The following BBS2 variants were observed in gnomAD, a reference collection of about 807,000 sequenced individuals.
BBS2 encodes the protein BBSome complex member BBS2.
A neutral mutation model predicts 83.0 loss-of-function variants in BBS2; 62 were observed. The ratio of observed to expected loss-of-function variants is 0.75; its 90% CI spans 0.61 to 0.92. BBS2 has a LOEUF of 0.92. Among genes scored for constraint, BBS2 ranks in the 40% least tolerant of loss-of-function variants. BBS2 has a pLI of 0.00. For missense variants in BBS2, 784 were observed against 901.0 expected, an observed-to-expected ratio of 0.87 and a Z score of 1.66; for synonymous variants, 303 against 326.1, an observed-to-expected ratio of 0.93 and a Z score of 0.76.
intron 11 of BBS2, chr16:56,500,410 G>A (rs1422973520): frequency 1.2e-5 from 3 of 248,166 alleles, no homozygotes; most frequent in Non-Finnish European, 1.6e-5. Context: ...TGGATCACCT[G>A]AGGTCAGGAG....
chr16:56,473,671 G>A (rs565961912), intron 17 of BBS2, among the ~76,000 whole-genome samples: 5 of 151,328 alleles, frequency 3.3e-5, no homozygotes, highest in Admixed American at 6.6e-5. Context: ...CTAATGGTGC[G>A]TGGTTGTATA....
At chr16:56,475,030 C>G (rs1469401470) in intron 17 of BBS2, 30 of 1,450,466 alleles carry the variant, frequency 2.1e-5, no homozygotes, top group Non-Finnish European at 2.9e-5. Context: ...CCAGCTGAAC[C>G]AATTCATAAG....
At chr16:56,509,910 G>A (rs371749476) in intron 5 of BBS2, 47 bp downstream of exon 5, 1 of 1,585,870 alleles carries the variant, frequency 6.3e-7, no homozygotes, top group Non-Finnish European at 8.7e-7. Context: ...TGACAGTACT[G>A]ATCTATCTTG....
intron 17 of BBS2, among the ~76,000 whole-genome samples, chr16:56,472,832 T>C (rs1232286448): frequency 6.6e-6 from 1 of 152,236 alleles, no homozygotes; most frequent in Non-Finnish European, 1.5e-5. Flanking sequence ...TAAACCTCTT[T>C]CTGATCCTTT....
rs751174081 is a variant in BBS2, at chr16:56,501,489, C to T, written c.1089G>A (p.Leu363=). The part of the protein sequence containing the change: ...RNYEENAKAE[L]ASPLNEADGH... ...CATCAGCCTCGTTCAGTGGACTGGC[C>T]AATTCAGCCTGCAAAACACCCCACC... The change falls in exon 10 of 17, where the codon TTG becomes TTA. Residue 363 remains leucine, a synonymous_variant. Transcript: ENST00000245157. 1.9e-6 allele frequency: 3 copies of T among 1,614,110 alleles called. No homozygotes were observed. In the East Asian group the frequency reaches 6.7e-5, roughly 36 times the overall value.
At chr16:56,511,079 C>G (rs1567582805) in intron 3 of BBS2, 80 bp downstream of exon 3, 4 of 1,585,822 alleles carry the variant, frequency 2.5e-6, no homozygotes, top group Non-Finnish European at 3.5e-6. Flanking sequence ...TATTATTACT[C>G]AGTAGAGTTG....
intron 2 of BBS2, among the ~76,000 whole-genome samples, chr16:56,513,833 T>C (rs982317902): frequency 1.2e-4 from 18 of 152,294 alleles, no homozygotes; most frequent in African/African-American, 4.3e-4. Flanking sequence ...AGTAGGTTAG[T>C]TGTACATGTG....
chr16:56,492,432 T>C (rs1381535954), intron 15 of BBS2, among the ~76,000 whole-genome samples: 1 of 152,164 alleles, frequency 6.6e-6, no homozygotes, highest in African/African-American at 2.4e-5. Context: ...ATATTATATA[T>C]TTGCATGGAG....
At chr16:56,474,113 T>C (rs1567556357) in intron 17 of BBS2, among the ~76,000 whole-genome samples, 1 of 152,142 alleles carries the variant, frequency 6.6e-6, no homozygotes, top group Non-Finnish European at 1.5e-5. Flanking sequence ...TTTTTTAATT[T>C]TGTTCAGCAT....
At position 56,501,014 on chromosome 16, in the gene BBS2, G is replaced by A. The variant is rs147030232; in HGVS notation, c.1237C>T (p.Arg413Ter). The part of the protein sequence containing the change: ...RISTSNDTII[R>*]AVLIFAEGIF... ...CCTTCTGCAAAAATCAATACTGCTC[G>A]GATGATGGTGTCTGCAGGGAAGAGT... Residue 413 changes from arginine to a stop codon, truncating the protein, a stop_gained, in exon 11 of 17, where the codon CGA becomes TGA. Coordinates refer to ENST00000245157, the MANE Select transcript of BBS2 (RefSeq NM_031885.5). LOFTEE classifies it high-confidence loss of function. The A allele has an allele frequency of 2.8e-5, 45 of 1,614,130 alleles. No individual in the cohort carries two copies. Among genetic ancestry groups the A allele is most frequent in the East Asian group, 1.3e-4 (6 of 44,878 alleles).
At chr16:56,507,062 A>G (rs1265804085) in intron 5 of BBS2, among the ~76,000 whole-genome samples, 2 of 152,230 alleles carry the variant, frequency 1.3e-5, no homozygotes, top group East Asian at 1.9e-4. Flanking sequence ...TCACTTAACT[A>G]TGAATACAAA....
chr16:56,488,730 T>C (rs1414081023), intron 15 of BBS2, among the ~76,000 whole-genome samples: 5 of 151,510 alleles, frequency 3.3e-5, no homozygotes, highest in Non-Finnish European at 5.9e-5. Flanking sequence ...TCCCTGGAGG[T>C]TGGGAGAGGG....
In BBS2 at chr16:56,501,597, C is replaced by T. The variant is rs1290688328; in HGVS notation, c.1081-100G>A. 3 of 1,439,084 alleles carry T rather than the reference C, an allele frequency of 2.1e-6. No individual in the cohort carries two copies. The African/African-American group carries it at 4.2e-5, about 20-fold the overall frequency. The allele number at this position is 1,439,084 out of a possible 1,614,324, so 89.1% of individuals were successfully genotyped here. ...ATTCAGCTTCAAAAGACAGAGCCTC[C>T]AGCATATTATTATTATTATAGTAAT... On this transcript the variant is annotated intron_variant, in intron 9 of 16. Coordinates refer to ENST00000245157, the MANE Select transcript of BBS2 (RefSeq NM_031885.5).
rs1166711807 is a variant in BBS2, at chr16:56,519,921, C to T, written c.-59G>A. ...CTGGAGACAAGCGCAGCGGAGCTGGCCTCACGCGCCCGGGCAAGAAGTGCA... is the reference window on the plus strand; with the variant it reads ...CTGGAGACAAGCGCAGCGGAGCTGGTCTCACGCGCCCGGGCAAGAAGTGCA... On this transcript the variant is annotated 5_prime_UTR_variant, in exon 1 of 17. Transcript: ENST00000245157. 3.4e-6 allele frequency: 5 copies of T among 1,451,384 alleles called. No individual in the cohort carries two copies. Among genetic ancestry groups the T allele is most frequent in the Non-Finnish European group, 4.8e-6 (5 of 1,036,220 alleles). The allele number at this position is 1,451,384 out of a possible 1,614,324, so 89.9% of individuals were successfully genotyped here. A position where few individuals can be genotyped will look rare whatever the true frequency, so the allele number is the denominator to read the frequency against.
intron 7 of BBS2, among the ~76,000 whole-genome samples, chr16:56,504,510 A>G (rs1964371341): frequency 6.6e-6 from 1 of 152,228 alleles, no homozygotes; most frequent in African/African-American, 2.4e-5. Flanking sequence ...CATTTATTTA[A>G]TATTTTCACA....
At chr16:56,481,479 G>C (rs899370790), downstream of BBS2, among the ~76,000 whole-genome samples, 8 of 152,122 alleles carry the variant, frequency 5.3e-5, no homozygotes, top group Non-Finnish European at 2.9e-5. Flanking sequence ...GTCATGGTGG[G>C]AAATAATACA....
intron 15 of BBS2, among the ~76,000 whole-genome samples, chr16:56,495,386 C>T (rs1031943818): frequency 3.2e-4 from 49 of 152,116 alleles, no homozygotes; most frequent in Admixed American, 2.7e-3. Context: ...GTATTCTTGC[C>T]AAAATTTGAA....
intron 15 of BBS2, among the ~76,000 whole-genome samples, chr16:56,494,674 C>T (rs1354149909): frequency 2.0e-5 from 3 of 152,018 alleles, no homozygotes; most frequent in African/African-American, 7.2e-5. Flanking sequence ...AAAATCTAGC[C>T]GTAAAAGGCC....
Position 56,500,905 on chromosome 16 carries a change from T to C in BBS2, c.1346A>G (p.Lys449Arg), listed in dbSNP as rs760483086. 3 of 1,614,052 alleles carry C rather than the reference T, an allele frequency of 1.9e-6. No homozygotes were observed. In the African/African-American group the frequency reaches 4.0e-5, roughly 22 times the overall value. ...CAAGTGCAGATCCACAGGGACATCT[T>C]TGGGAGGCACAATAGGGATGCAGAT... ...SSICIPIVPP[K>R]DVPVDLHLKA... Residue 449 changes from lysine (K) to arginine (R), a missense_variant, in exon 11 of 17, where the codon AAA becomes AGA. Coordinates refer to ENST00000245157, the MANE Select transcript of BBS2 (RefSeq NM_031885.5).
Sources: allele counts gnomAD v4.1 joint callset (sites outside exome capture counted in the v4.1 genomes callset), GRCh38; gene constraint gnomAD v4.1.1; transcripts MANE v1.5; gene names NCBI Gene and HGNC (gene_info 2026-07-23, HGNC 2026-07-21).